Variants in OSBPL3 observed in about 807,000 individuals in gnomAD.
OSBPL3 encodes oxysterol binding protein like 3, also known as oxysterol-binding protein-related protein 3.
OSBPL3 carries 65 observed loss-of-function variants against 120.1 expected under a neutral mutation model. The observed-to-expected ratio is 0.54, with a 90% CI of 0.44 to 0.67. OSBPL3 has a LOEUF of 0.67. OSBPL3 is among the 30% of genes least tolerant of loss of function. The probability of loss-of-function intolerance (pLI) is 0.00; values close to 1 mark genes in which losing one functional copy is unlikely to be tolerated. For synonymous variants in OSBPL3, 416 were observed against 402.6 expected (o/e 1.03, Z -0.40); for missense variants, 1,004 against 1,082.1 (o/e 0.93, Z 1.01).
At position 24,965,619 on chromosome 7, in the gene OSBPL3, T is replaced by G. The variant is rs1459764198; in HGVS notation, c.-150+14267A>C. On this transcript the variant is annotated intron_variant, in intron 1 of 22. Coordinates refer to ENST00000313367, the MANE Select transcript of OSBPL3 (RefSeq NM_015550.4). This position sits in a 1 kb window ranked among gnomAD's most constrained non-coding sequence, Gnocchi z 4.3. ...ACCAGAGTCAGTATCTCCTAATAACTTATTAGAATTGTAGAATCTCAGGTC... is the reference window on the plus strand; with the variant it reads ...ACCAGAGTCAGTATCTCCTAATAACGTATTAGAATTGTAGAATCTCAGGTC... Among the ~76,000 whole-genome samples the G allele has an allele frequency of 1.3e-5, 2 of 152,194 alleles. No individual in the cohort carries two copies. Among genetic ancestry groups the G allele is most frequent in the Non-Finnish European group, 1.5e-5 (1 of 68,024 alleles).
intron 1 of OSBPL3, among the ~76,000 whole-genome samples, chr7:24,929,021 G>C (rs529903350): frequency 2.8e-4 from 43 of 152,208 alleles, no homozygotes; most frequent in African/African-American, 1.0e-3. Context: ...GCAGTACGAC[G>C]GGCCAGAGGG....
intron 1 of OSBPL3, among the ~76,000 whole-genome samples, chr7:24,903,393 C>T (rs962506603): frequency 6.6e-6 from 1 of 152,256 alleles, no homozygotes; most frequent in Admixed American, 6.5e-5. Flanking sequence ...TTGCTTACTA[C>T]TAGCCTTTTG....
intron 2 of OSBPL3, among the ~76,000 whole-genome samples, chr7:24,875,074 G>A (rs1178337620): frequency 1.3e-5 from 2 of 152,182 alleles, no homozygotes; most frequent in African/African-American, 4.8e-5. Context: ...CAATGAAAAC[G>A]CCGTCCCACA....
At chr7:24,976,312 G>T (rs1344563621) in intron 1 of OSBPL3, among the ~76,000 whole-genome samples, 1 of 152,152 alleles carries the variant, frequency 6.6e-6, no homozygotes, top group Non-Finnish European at 1.5e-5. Context: ...AGCCACCCAA[G>T]AATTTTTAAC....
In OSBPL3 at chr7:24,851,247, T is replaced by A. The variant is rs527824426; in HGVS notation, c.1158+1257A>T. 6.6e-6 allele frequency among the ~76,000 whole-genome samples: 1 copy of A among 152,230 alleles called. No individual in the cohort carries two copies. The highest frequency in any genetic ancestry group is 1.5e-5 in the Non-Finnish European group (1 of 68,034). On this transcript the variant is annotated intron_variant, in intron 11 of 22. Transcript: ENST00000313367. The surrounding 1 kb of genome is among the most constrained non-coding windows in gnomAD (Gnocchi z 4.1). ...CTCAAACCAAAATGGCACCAGTGTA[T>A]GGCTGTCTTGTACAATAAAAAGGGG... is the stretch of plus-strand genomic sequence containing the variant.
In OSBPL3 at chr7:24,803,976, G is replaced by A. The variant is rs1299395629; in HGVS notation, c.2567+339C>T. 6.6e-6 allele frequency among the ~76,000 whole-genome samples: 1 copy of A among 152,164 alleles called. No individual in the cohort carries two copies. Among genetic ancestry groups the A allele is most frequent in the Non-Finnish European group, 1.5e-5 (1 of 68,030 alleles). On this transcript the variant is annotated intron_variant, in intron 22 of 22. Coordinates refer to ENST00000313367, the MANE Select transcript of OSBPL3 (RefSeq NM_015550.4). The surrounding 1 kb of genome is among the most constrained non-coding windows in gnomAD (Gnocchi z 4.2). ...ATGCCTATGGGGGTGACCAACCTTA[G>A]CTGTGGATTTAATAAGCTGGCCTGG... is the stretch of plus-strand genomic sequence containing the variant.
intron 18 of OSBPL3, 44 bp downstream of exon 18, chr7:24,816,566 C>T (rs188635320): frequency 7.2e-7 from 1 of 1,387,630 alleles, no homozygotes; most frequent in Non-Finnish European, 1.0e-6. Context: ...AAAATCTTGG[C>T]CCTAAATTCC....
At chr7:24,889,030 C>A (rs1804937442) in intron 2 of OSBPL3, among the ~76,000 whole-genome samples, 1 of 152,174 alleles carries the variant, frequency 6.6e-6, no homozygotes, top group Non-Finnish European at 1.5e-5. Context: ...CAAAATGCCA[C>A]CCTCACTCCA....
chr7:24,907,525 A>C (rs1272325688), intron 1 of OSBPL3, among the ~76,000 whole-genome samples: 1 of 127,720 alleles, frequency 7.8e-6, no homozygotes. Flanking sequence ...GGCTGTTATC[A>C]CTCAAACTTC....
intron 2 of OSBPL3, among the ~76,000 whole-genome samples, chr7:24,874,532 T>C (rs912559805): frequency 3.3e-5 from 5 of 152,170 alleles, no homozygotes; most frequent in South Asian, 2.1e-4. Context: ...ATCTCAGAAC[T>C]ATTTCAAAAA....
intron 1 of OSBPL3, among the ~76,000 whole-genome samples, chr7:24,901,021 G>GAAA (rs11395096): frequency 5.4e-5 from 7 of 128,536 alleles, no homozygotes; most frequent in Non-Finnish European, 8.2e-5. Flanking sequence ...ACCTTGTCTC[G>GAAA]AAAAAAAAAA....
At position 24,800,273 on chromosome 7, in the gene OSBPL3, G is replaced by A. The variant is rs149502663; in HGVS notation, c.2574C>T (p.Ser858=). 67 of 1,602,778 alleles carry A rather than the reference G, an allele frequency of 4.2e-5. No homozygotes were observed. The highest frequency in any genetic ancestry group is 5.6e-5 in the Non-Finnish European group (65 of 1,170,310). ...CGTTGCTCACCCAAGAGTCATCGTC[G>A]GATTTCCTGTGAAAGAAGAAACAAT... ...VEHQPRFFRK[S]DDDSWVSNGT... is the part of the protein sequence containing the mutation. The change falls in exon 23 of 23, where the codon TCC becomes TCT. Residue 858 remains serine, a synonymous_variant. Coordinates refer to ENST00000313367, the MANE Select transcript of OSBPL3 (RefSeq NM_015550.4).
intron 2 of OSBPL3, among the ~76,000 whole-genome samples, chr7:24,888,752 A>G (rs1432512029): frequency 1.3e-5 from 2 of 152,200 alleles, no homozygotes; most frequent in African/African-American, 4.8e-5. Context: ...GAGATTTTAT[A>G]TGAATAGGTC....
chr7:24,907,639 G>A (rs1460382520), intron 1 of OSBPL3, among the ~76,000 whole-genome samples: 1 of 152,070 alleles, frequency 6.6e-6, no homozygotes, highest in Non-Finnish European at 1.5e-5. Flanking sequence ...TCTCTCTTCC[G>A]TCTGTGGCAA....
chr7:24,949,224 T>C (rs1367539926), intron 1 of OSBPL3, among the ~76,000 whole-genome samples: 5 of 152,226 alleles, frequency 3.3e-5, no homozygotes, highest in African/African-American at 1.2e-4. Flanking sequence ...TCCTGACATC[T>C]TTCCATAATA....
intron 1 of OSBPL3, among the ~76,000 whole-genome samples, chr7:24,962,267 C>T (rs983860186): frequency 6.6e-6 from 1 of 151,602 alleles, no homozygotes; most frequent in Non-Finnish European, 1.5e-5. Flanking sequence ...CATGCCATTA[C>T]ACTCCAGCCT....
At chr7:24,950,618 C>T (rs559189716) in intron 1 of OSBPL3, among the ~76,000 whole-genome samples, 8 of 152,078 alleles carry the variant, frequency 5.3e-5, no homozygotes, top group African/African-American at 1.7e-4. Flanking sequence ...GCTACTTGGG[C>T]GGCTGAGGCA....
At chr7:24,845,656 TAAAA>T (rs199729370) in intron 12 of OSBPL3, among the ~76,000 whole-genome samples, 7 of 137,212 alleles carry the variant, frequency 5.1e-5, no homozygotes, top group Non-Finnish European at 7.9e-5. Flanking sequence ...CACTTTTTCC[TAAAA>T]AAAAAAAAAA....
chr7:24,856,866 C>T (rs1799901715), intron 10 of OSBPL3, among the ~76,000 whole-genome samples: 1 of 152,168 alleles, frequency 6.6e-6, no homozygotes, highest in Non-Finnish European at 1.5e-5. Context: ...AGTTTCAAAC[C>T]TCACAGGATG....
Sources: allele counts gnomAD v4.1 joint callset (sites outside exome capture counted in the v4.1 genomes callset), GRCh38; gene constraint gnomAD v4.1.1; non-coding constraint Gnocchi (gnomAD v3.1); transcripts MANE v1.5; gene names NCBI Gene and HGNC (gene_info 2026-07-23, HGNC 2026-07-21).